RCC1: variants seen among roughly 807,000 people sequenced by gnomAD.
The protein encoded by RCC1 is regulator of chromosome condensation 1, also known as regulator of chromosome condensation.
A neutral mutation model predicts 44.4 loss-of-function variants in RCC1; 11 were observed. The ratio of observed to expected loss-of-function variants is 0.25; its 90% confidence interval spans 0.16 to 0.41. The LOEUF (loss-of-function observed/expected upper bound fraction) is 0.41, where lower values mean the gene tolerates loss of function less well. Among genes scored for constraint, RCC1 ranks in the 10% least tolerant of loss-of-function variants. The pLI, the probability that RCC1 is intolerant of heterozygous loss-of-function variation, is 1.00. For missense variants in RCC1, 386 were observed against 547.1 expected, an observed-to-expected ratio of 0.71 and a Z score of 2.94; for synonymous variants, 213 against 216.5, an observed-to-expected ratio of 0.98 and a Z score of 0.14.
At chr1:28,508,518 T>C (rs751330530) in intron 2 of RCC1, 2 of 498,240 alleles carry the variant, frequency 4.0e-6, no homozygotes, top group African/African-American at 1.9e-5. Flanking sequence ...ATTAGCAATA[T>C]TGGATTTGTC....
chr1:28,508,033 G>A (rs1217928725), intron 1 of RCC1, 95 bp from the exon 2 acceptor site: 2 of 375,386 alleles, frequency 5.3e-6, no homozygotes, highest in East Asian at 1.5e-4. Flanking sequence ...ATACTCCAGT[G>A]CCACTGTACT....
intron 4 of RCC1, among the ~76,000 whole-genome samples, chr1:28,523,389 T>A (rs1663426238): frequency 6.6e-6 from 1 of 152,188 alleles, no homozygotes; most frequent in Non-Finnish European, 1.5e-5. Context: ...GATCTTGGCC[T>A]TCTCTTCCAA....
chr1:28,516,613 G>A (rs2124619223), intron 3 of RCC1, 112 bp from the exon 4 acceptor site: 1 of 230,798 alleles, frequency 4.3e-6, no homozygotes, highest in East Asian at 1.3e-4. Flanking sequence ...ACTGCCATGA[G>A]GTTTTTGTGA....
chr1:28,508,442 A>ATCC, intron 2 of RCC1: 2 of 404,536 alleles, frequency 4.9e-6, no homozygotes. Context: ...AGGAAGCCTA[A>ATCC]TTGGCTTTAT....
chr1:28,507,262 C>A, intron 1 of RCC1: 1 of 473,358 alleles, frequency 2.1e-6, no homozygotes, highest in South Asian at 1.5e-5. Context: ...CCACTGTGGA[C>A]AGGGTGGAAA....
chr1:28,529,277 G>A (rs1570206655), intron 4 of RCC1, among the ~76,000 whole-genome samples: 3 of 141,500 alleles, frequency 2.1e-5, no homozygotes, highest in South Asian at 2.3e-4. Context: ...TCCACCTCGC[G>A]GGTTCAAGCG....
At chr1:28,524,361 T>C (rs1374074422) in intron 4 of RCC1, among the ~76,000 whole-genome samples, 1 of 152,202 alleles carries the variant, frequency 6.6e-6, no homozygotes, top group African/African-American at 2.4e-5. Flanking sequence ...TAGGGGGATC[T>C]TGGGCAGGCC....
intron 3 of RCC1, chr1:28,509,297 G>T (rs1662312666): frequency 5.4e-6 from 1 of 184,240 alleles, no homozygotes; most frequent in African/African-American, 2.4e-5. Flanking sequence ...TGAGTATTTT[G>T]CTTTTCATGA....
intron 7 of RCC1, chr1:28,532,708 G>A (rs1333031657): frequency 2.1e-6 from 1 of 481,996 alleles, no homozygotes; most frequent in Admixed American, 2.3e-5. Context: ...AGGCTTGGAT[G>A]GGGCAAGGAG....
Position 28,538,618 on chromosome 1 carries a change from A to G in RCC1, c.*611A>G, listed in dbSNP as rs1190924313. 6.6e-6 allele frequency: 1 copy of G among 152,340 alleles called. No homozygotes were observed. Among genetic ancestry groups the G allele is most frequent in the Non-Finnish European group, 1.5e-5 (1 of 68,122 alleles). 9.4% of individuals were successfully genotyped at this position (152,340 alleles called of 1,614,324 possible). A position where few individuals can be genotyped will look rare whatever the true frequency, so the allele number is the denominator to read the frequency against. On this transcript the variant is annotated 3_prime_UTR_variant, in exon 13 of 13. Transcript: ENST00000683442. ...TGACCAAGAAAAAAGTGATTCTCCCAGAAGCACAAAGCATACTCTTGCCCC... is the reference window on the plus strand; with the variant it reads ...TGACCAAGAAAAAAGTGATTCTCCCGGAAGCACAAAGCATACTCTTGCCCC...
chr1:28,532,160 C>T lies in RCC1; in HGVS notation c.262-11C>T. On this transcript the variant is annotated splice_polypyrimidine_tract_variant and intron_variant, in intron 6 of 12. Transcript: ENST00000683442. ...CCAGACGTTGCATTAATGAGGGCAT[C>T]CTGGGCACAGGTCTATTCCTTCGGC... 1 of 1,610,074 alleles carries T rather than the reference C, an allele frequency of 6.2e-7. No homozygotes were observed. Among genetic ancestry groups the T allele is most frequent in the Non-Finnish European group, 8.5e-7 (1 of 1,177,564 alleles).
At chr1:28,516,645 A>G (rs1046998093) in intron 3 of RCC1, 80 bp from the exon 4 acceptor site, 3 of 265,146 alleles carry the variant, frequency 1.1e-5, no homozygotes, top group Non-Finnish European at 2.3e-5. Context: ...GCTGACATGG[A>G]TGTTTCTGTA....
In RCC1 at chr1:28,529,865, A is replaced by G. The variant is rs1405071161; in HGVS notation, c.-2A>G. 31 of 1,613,818 alleles carry G rather than the reference A, an allele frequency of 1.9e-5. No individual in the cohort carries two copies. The highest frequency in any genetic ancestry group is 2.0e-5 in the Non-Finnish European group (24 of 1,179,862). On this transcript the variant is annotated 5_prime_UTR_variant, in exon 5 of 13. Coordinates refer to ENST00000683442, the MANE Select transcript of RCC1 (RefSeq NM_001381865.2). Reference sequence around the variant, plus strand: ...TATTTGACTGACTTTCAGGACAGGAAGATGTCACCCAAGCGCATAGCTAAA... The same window carrying G: ...TATTTGACTGACTTTCAGGACAGGAGGATGTCACCCAAGCGCATAGCTAAA...
At chr1:28,510,944 C>G (rs781460722) in intron 3 of RCC1, 2 of 152,180 alleles carry the variant, frequency 1.3e-5, no homozygotes, top group African/African-American at 2.4e-5. Flanking sequence ...GTTTGGGTAA[C>G]TGCAGTGCTG....
chr1:28,507,780 T>C (rs1197443191), intron 1 of RCC1: 1 of 342,314 alleles, frequency 2.9e-6, no homozygotes, highest in African/African-American at 2.2e-5. Context: ...CTAATTTTTG[T>C]ATTTTTAGTA....
At chr1:28,532,045 G>C in intron 6 of RCC1, 55 bp downstream of exon 6, 4 of 1,556,054 alleles carry the variant, frequency 2.6e-6, no homozygotes, top group Middle Eastern at 3.5e-4. Flanking sequence ...GGGTGGCTTG[G>C]GGCAGGGCTT....
At chr1:28,515,001 G>T (rs945665588) in intron 3 of RCC1, among the ~76,000 whole-genome samples, 1 of 152,120 alleles carries the variant, frequency 6.6e-6, no homozygotes, top group Non-Finnish European at 1.5e-5. Context: ...ATATCAGCCA[G>T]TTGCGATGGC....
At chr1:28,515,785 G>A (rs1042969822) in intron 3 of RCC1, among the ~76,000 whole-genome samples, 3 of 151,182 alleles carry the variant, frequency 2.0e-5, no homozygotes, top group South Asian at 4.2e-4. Flanking sequence ...AGTTGCTCAT[G>A]CCTGTAATCC....
At chr1:28,506,612 C>T (rs1307239946) in intron 1 of RCC1, 2 of 185,918 alleles carry the variant, frequency 1.1e-5, no homozygotes, top group Admixed American at 1.1e-4. Context: ...AGGGCTGCCG[C>T]CCGACCCAGC....
Sources: allele counts gnomAD v4.1 joint callset (sites outside exome capture counted in the v4.1 genomes callset), GRCh38; gene constraint gnomAD v4.1.1; transcripts MANE v1.5; gene names NCBI Gene and HGNC (gene_info 2026-07-23, HGNC 2026-07-21).